SLC1A3: variants seen among roughly 807,000 people sequenced by gnomAD.
SLC1A3 encodes the protein excitatory amino acid transporter 1.
A neutral mutation model predicts 48.1 loss-of-function variants in SLC1A3; 21 were observed. The observed-to-expected ratio is 0.44, with a 90% CI of 0.31 to 0.63. SLC1A3 has a LOEUF of 0.63. Ranked by LOEUF, SLC1A3 falls within the 20% of genes least tolerant of loss-of-function variation. SLC1A3 has a pLI of 0.08. For missense variants in SLC1A3, 546 were observed against 689.0 expected (o/e 0.79, Z 2.32); for synonymous variants, 239 against 251.4 (o/e 0.95, Z 0.47).
intron 3 of SLC1A3, among the ~76,000 whole-genome samples, chr5:36,654,399 G>C (rs1173818705): frequency 1.3e-5 from 2 of 152,160 alleles, no homozygotes; most frequent in African/African-American, 4.8e-5. Context: ...TCTTAACACA[G>C]TTTATCTCCC....
Position 36,671,052 on chromosome 5 carries a change from G to A in SLC1A3, c.343G>A (p.Ala115Thr), listed in dbSNP as rs1741973051. ...VTGMAALDSK[A>T]SGKMGMRAVV... Reference sequence around the variant, plus strand: ...AGGAATGGCGGCGCTAGATAGTAAGGCATCAGGGAAGATGGGAATGCGAGC... The same window carrying A: ...AGGAATGGCGGCGCTAGATAGTAAGACATCAGGGAAGATGGGAATGCGAGC... The change falls in exon 4 of 10, where the codon GCA becomes ACA. Residue 115 changes from alanine to threonine, a missense_variant. This residue lies in a region of SLC1A3 where 348 missense variants were observed against 392.0 expected (regional missense o/e 0.89). Coordinates refer to ENST00000265113, the MANE Select transcript of SLC1A3 (RefSeq NM_004172.5). 3 of 1,613,958 alleles carry A rather than the reference G, an allele frequency of 1.9e-6. No homozygotes were observed. The highest frequency in any genetic ancestry group is 1.7e-6 in the Non-Finnish European group (2 of 1,179,856).
upstream of SLC1A3, among the ~76,000 whole-genome samples, chr5:36,602,092 T>C (rs551312062): frequency 1.3e-5 from 2 of 152,220 alleles, no homozygotes; most frequent in Admixed American, 6.5e-5. Context: ...ACCAAGCCCG[T>C]TGGATTTGGG....
rs193179134 is a variant in SLC1A3 at position 36,623,603 on chromosome 5, C to T, written c.182-5847C>T. Reference sequence around the variant, plus strand: ...GGGAGAGGTGGTTCACGCCTGTAATCCCAAAACTTTGGGAGGCTGAGGTGG... The same window carrying T: ...GGGAGAGGTGGTTCACGCCTGTAATTCCAAAACTTTGGGAGGCTGAGGTGG... On this transcript the variant is annotated intron_variant, in intron 2 of 9. Coordinates refer to ENST00000265113, the MANE Select transcript of SLC1A3 (RefSeq NM_004172.5). Among the ~76,000 whole-genome samples the T allele has an allele frequency of 3.6e-3, 552 of 151,572 alleles. 2 individuals are homozygous for T. The Middle Eastern group carries it at 0.037, about 10-fold the overall frequency.
At chr5:36,635,962 T>C (rs755691253) in intron 3 of SLC1A3, 3 of 150,974 alleles carry the variant, frequency 2.0e-5, no homozygotes, top group Non-Finnish European at 4.4e-5. Context: ...GAAAGGGAGG[T>C]TGTATAATGT....
intron 3 of SLC1A3, among the ~76,000 whole-genome samples, chr5:36,646,554 G>A (rs1740847521): frequency 1.3e-5 from 2 of 152,200 alleles, no homozygotes; most frequent in South Asian, 4.1e-4. Context: ...TGGTGGCTCA[G>A]GGCCAGCTCT....
intron 3 of SLC1A3, chr5:36,670,711 A>G (rs899600760): frequency 4.5e-5 from 19 of 419,136 alleles, no homozygotes; most frequent in Admixed American, 3.2e-4. Flanking sequence ...TTCCCCAACT[A>G]ACAGTAACCT....
chr5:36,637,128 C>A (rs1403864609), intron 3 of SLC1A3, among the ~76,000 whole-genome samples: 1 of 152,174 alleles, frequency 6.6e-6, no homozygotes, highest in Non-Finnish European at 1.5e-5. Flanking sequence ...ATTGCCTCTC[C>A]ACCATCCACT....
chr5:36,622,703 T>G (rs775486879), intron 2 of SLC1A3, among the ~76,000 whole-genome samples: 7 of 152,148 alleles, frequency 4.6e-5, no homozygotes, highest in Non-Finnish European at 8.8e-5. Flanking sequence ...AGACGATATT[T>G]AATTTTCCAA....
chr5:36,614,232 T>A (rs1351662540), intron 2 of SLC1A3, among the ~76,000 whole-genome samples: 1 of 152,326 alleles, frequency 6.6e-6, no homozygotes, highest in East Asian at 1.9e-4. Flanking sequence ...TCCATAGACA[T>A]TGTAAACCCC....
chr5:36,649,745 G>A (rs1740985066), intron 3 of SLC1A3, among the ~76,000 whole-genome samples: 1 of 152,216 alleles, frequency 6.6e-6, no homozygotes, highest in Admixed American at 6.5e-5. Flanking sequence ...ATTCTTCTCA[G>A]TAATTAATAG....
intron 3 of SLC1A3, among the ~76,000 whole-genome samples, chr5:36,653,172 T>C (rs768755908): frequency 5.3e-5 from 8 of 152,204 alleles, no homozygotes; most frequent in Non-Finnish European, 1.2e-4. Flanking sequence ...GGAAACTGCA[T>C]CCCCTGCCAT....
In SLC1A3 at chr5:36,608,700, A is replaced by G. The variant is rs1739069724; in HGVS notation, c.181+96A>G. 9 of 1,556,804 alleles carry G rather than the reference A, an allele frequency of 5.8e-6. No homozygotes were observed. In the East Asian group the frequency reaches 6.8e-5, roughly 12 times the overall value. ...ATTATCAGATGAACTAGTTGTAGGTATCAAAATGGTAGCCTAGGCTTTCCT... is the reference window on the plus strand; with the variant it reads ...ATTATCAGATGAACTAGTTGTAGGTGTCAAAATGGTAGCCTAGGCTTTCCT... On this transcript the variant is annotated intron_variant, in intron 2 of 9. Coordinates refer to ENST00000265113, the MANE Select transcript of SLC1A3 (RefSeq NM_004172.5).
At chr5:36,629,413 CA>C in intron 2 of SLC1A3, 36 bp from the exon 3 acceptor site, 1 of 1,581,982 alleles carries the variant, frequency 6.3e-7, no homozygotes, top group African/African-American at 1.4e-5. Context: ...AAAAAAGACT[CA>C]ATTTTTCTTT....
intron 2 of SLC1A3, among the ~76,000 whole-genome samples, chr5:36,614,926 T>C (rs528763406): frequency 6.6e-6 from 1 of 152,338 alleles, no homozygotes; most frequent in South Asian, 2.1e-4. Flanking sequence ...TTTTTCTTCT[T>C]GTCATTTCAG....
intron 3 of SLC1A3, among the ~76,000 whole-genome samples, chr5:36,647,183 C>G (rs1188715448): frequency 1.3e-5 from 2 of 152,088 alleles, no homozygotes; most frequent in Non-Finnish European, 2.9e-5. Context: ...ATGTGTGGTT[C>G]TTTTGTAGTT....
At position 36,680,399 on chromosome 5, in the gene SLC1A3, G is replaced by A. The variant is rs762054481; in HGVS notation, c.1099G>A (p.Ala367Thr). Residue 367 changes from alanine (A) to threonine (T), a missense_variant, in exon 8 of 10, where the codon GCC becomes ACC. Ala to Thr is a moderately conservative substitution (Grantham distance 58). This residue lies in a region of SLC1A3 where 142 missense variants were observed against 238.0 expected (regional missense o/e 0.60). Transcript: ENST00000265113. ...ITALGTSSSS[A>T]TLPITFKCLE... ...GCCCTATTTCACTGTTCTCAGTTCT[G>A]CCACCCTACCCATCACCTTCAAGTG... The A allele has an allele frequency of 1.8e-5, 29 of 1,614,000 alleles. No homozygotes were observed. The highest frequency in any genetic ancestry group is 2.5e-5 in the Non-Finnish European group (29 of 1,179,938).
intron 1 of SLC1A3, among the ~76,000 whole-genome samples, chr5:36,597,221 T>A (rs1186793852): frequency 6.8e-6 from 1 of 147,230 alleles, no homozygotes; most frequent in African/African-American, 2.5e-5. Flanking sequence ...ACCGAAAACT[T>A]CTTCTTCCTT....
intron 2 of SLC1A3, among the ~76,000 whole-genome samples, chr5:36,623,874 AAAAAAG>A (rs1229104819): frequency 6.6e-6 from 1 of 151,792 alleles, no homozygotes; most frequent in Non-Finnish European, 1.5e-5. Context: ...AAAAAAAAAA[AAAAAAG>A]AAAAGAAAAA....
intron 3 of SLC1A3, among the ~76,000 whole-genome samples, chr5:36,636,815 C>A (rs1012538898): frequency 6.6e-6 from 1 of 152,130 alleles, no homozygotes; most frequent in East Asian, 1.9e-4. Context: ...AGGAAGGGAG[C>A]CAGGAGACCT....
Sources: allele counts gnomAD v4.1 joint callset (sites outside exome capture counted in the v4.1 genomes callset), GRCh38; gene constraint gnomAD v4.1.1; regional missense constraint gnomAD v4.1.1; transcripts MANE v1.5; gene names NCBI Gene and HGNC (gene_info 2026-07-23, HGNC 2026-07-21).